The following GMEB2 variants were observed in gnomAD, a reference collection of about 807,000 sequenced individuals.
GMEB2 encodes glucocorticoid modulatory element binding protein 2.
A neutral mutation model predicts 45.7 loss-of-function variants in GMEB2; 7 were observed. The observed-to-expected ratio is 0.15, with a 90% CI of 0.09 to 0.29. GMEB2 has a LOEUF of 0.29. Among genes scored for constraint, GMEB2 ranks in the 10% least tolerant of loss-of-function variants. The pLI, the probability that GMEB2 is intolerant of heterozygous loss-of-function variation, is 1.00. For synonymous variants in GMEB2, 322 were observed against 323.6 expected (o/e 1.00, Z 0.05); for missense variants, 582 against 739.2 (o/e 0.79, Z 2.47).
At chr20:63,623,327 G>A (rs1224392184) in intron 1 of GMEB2, among the ~76,000 whole-genome samples, 2 of 152,152 alleles carry the variant, frequency 1.3e-5, no homozygotes, top group African/African-American at 4.8e-5. Context: ...TCCCATTAGG[G>A]CATCAGGGTC....
rs542842374 is a variant in GMEB2 at position 63,593,765 on chromosome 20, T to C, written c.620-683A>G. ...GGCCGGATGTGGTGGCTCACGCCTG[T>C]AATCCAGGCACTTTGGGAGACTGAG... On this transcript the variant is annotated intron_variant, in intron 6 of 9. Coordinates refer to ENST00000370077, the MANE Select transcript of GMEB2 (RefSeq NM_012384.5). This position sits in a 1 kb window ranked among gnomAD's most constrained non-coding sequence, Gnocchi z 4.7. Among the ~76,000 whole-genome samples the C allele has an allele frequency of 1.1e-4, 16 of 152,332 alleles. No individual in the cohort carries two copies. The highest frequency in any genetic ancestry group is 3.4e-4 in the African/African-American group (14 of 41,578).
At chr20:63,626,524 T>A (rs1601040865) in intron 1 of GMEB2, among the ~76,000 whole-genome samples, 1 of 133,476 alleles carries the variant, frequency 7.5e-6, no homozygotes, top group African/African-American at 2.9e-5. Context: ...GTGGGTCGCG[T>A]CCCTGTGGGG....
intron 2 of GMEB2, among the ~76,000 whole-genome samples, chr20:63,618,927 C>T (rs1223801942): frequency 2.0e-5 from 3 of 152,216 alleles, no homozygotes; most frequent in Non-Finnish European, 2.9e-5. Context: ...TGAAGACTGT[C>T]AAGAAAATCA....
At position 63,590,421 on chromosome 20, in the gene GMEB2, T is replaced by C. The variant is rs1416892016; in HGVS notation, c.1261A>G (p.Ser421Gly). ...GKGSLQAPPA[S>G]SPASPLLGGY... is the part of the protein sequence containing the mutation. ...CCGAGCAGCGGGGAGGCCGGGGAGC[T>C]GGCGGGGGGCGCCTGAAGGGAACCC... The change falls in exon 10 of 10, where the codon AGC becomes GGC. Residue 421 changes from serine (S) to glycine (G), a missense_variant. Ser to Gly is a moderately conservative substitution (Grantham distance 56). Coordinates refer to ENST00000370077, the MANE Select transcript of GMEB2 (RefSeq NM_012384.5). The C allele has an allele frequency of 3.2e-6, 5 of 1,561,420 alleles. No homozygotes were observed. The highest frequency in any genetic ancestry group is 1.7e-4 in the Middle Eastern group (1 of 5,872).
intron 9 of GMEB2, among the ~76,000 whole-genome samples, 194 bp downstream of exon 9, chr20:63,591,828 G>A (rs1488932701): frequency 6.6e-6 from 1 of 152,226 alleles, no homozygotes; most frequent in Non-Finnish European, 1.5e-5. Context: ...TGTAAGCTTA[G>A]TGCAATGGAG....
intron 1 of GMEB2, among the ~76,000 whole-genome samples, chr20:63,626,513 T>C (rs1354279855): frequency 8.8e-5 from 12 of 135,836 alleles, no homozygotes; most frequent in Non-Finnish European, 1.7e-4. Flanking sequence ...GGGTGGTCCC[T>C]GTGGGTCGCG....
chr20:63,603,076 C>G lies in GMEB2; in HGVS notation c.246G>C (p.Glu82Asp), dbSNP rs781561906. Residue 82 changes from glutamate (E) to aspartate (D), a missense_variant, in exon 4 of 10, where the codon GAG becomes GAC. Around this residue, in one of 3 missense-constraint regions of GMEB2, gnomAD observed 114 missense variants for 123.4 expected, o/e 0.92. Transcript: ENST00000370077. ...KEAVLVKMAE[E>D]GENLEAEIVY... ...CAATCTCAGCTTCCAGGTTCTCCCC[C>G]TCTTCAGCCATCTTCACTTCTCACA... is the stretch of plus-strand genomic sequence containing the variant. 14 of 1,614,104 alleles carry G rather than the reference C, an allele frequency of 8.7e-6. No homozygotes were observed. In the South Asian group the frequency reaches 1.2e-4, roughly 14 times the overall value.
intron 2 of GMEB2, among the ~76,000 whole-genome samples, chr20:63,611,123 A>C (rs2089566737): frequency 6.6e-6 from 1 of 152,246 alleles, no homozygotes; most frequent in African/African-American, 2.4e-5. Flanking sequence ...GGCTGCAAGC[A>C]TGGCTAATTC....
intron 1 of GMEB2, among the ~76,000 whole-genome samples, chr20:63,624,235 G>A (rs1483619983): frequency 6.6e-6 from 1 of 151,080 alleles, no homozygotes; most frequent in African/African-American, 2.4e-5. Flanking sequence ...TGGCCACCAT[G>A]ATGAAACCCT....
At chr20:63,604,615 CA>C (rs2089503937) in intron 3 of GMEB2, 127 bp downstream of exon 3, 1 of 673,316 alleles carries the variant, frequency 1.5e-6, no homozygotes, top group Admixed American at 2.1e-5. Flanking sequence ...CTCCTAAGGG[CA>C]CACAGCTTGG....
Position 63,592,962 on chromosome 20 carries a change from C to T in GMEB2, c.691+49G>A, listed in dbSNP as rs1228446303. ...TGTGGCCCGAGGTGGGCAGAGACTC[C>T]ACCACCCCGCCAGGGCTTGTGAGAA... On this transcript the variant is annotated intron_variant, in intron 7 of 9. Coordinates refer to ENST00000370077, the MANE Select transcript of GMEB2 (RefSeq NM_012384.5). This position sits in a 1 kb window ranked among gnomAD's most constrained non-coding sequence, Gnocchi z 8.2. 4.6e-6 allele frequency: 6 copies of T among 1,308,592 alleles called. No individual in the cohort carries two copies. The highest frequency in any genetic ancestry group is 2.0e-4 in the Middle Eastern group (1 of 5,038). 81.1% of individuals were successfully genotyped at this position (1,308,592 alleles called of 1,614,324 possible).
At chr20:63,597,664 AC>A (rs2083210024) in intron 5 of GMEB2, 92 bp downstream of exon 5, 11 of 757,806 alleles carry the variant, frequency 1.5e-5, no homozygotes. Context: ...CATCTAAAAT[AC>A]GCCTCATCTT....
chr20:63,616,188 A>C (rs1012270416), intron 2 of GMEB2, among the ~76,000 whole-genome samples: 2 of 152,210 alleles, frequency 1.3e-5, no homozygotes, highest in Admixed American at 6.5e-5. Flanking sequence ...TCGCGCCTGT[A>C]ATTCCAGCAC....
At chr20:63,601,709 C>T (rs1445140523) in intron 4 of GMEB2, among the ~76,000 whole-genome samples, 4 of 151,950 alleles carry the variant, frequency 2.6e-5, no homozygotes, top group South Asian at 2.1e-4. Flanking sequence ...TTAAATATAA[C>T]GATTTTATCT....
In GMEB2 at chr20:63,590,583, C is replaced by A; in HGVS notation, c.1099G>T (p.Gly367Ter). ...ACCTGCGAGGCCATGGCGGCCGGTCCTGATGTGGCACGTGCAAGCCGGGGC... is the reference window on the plus strand; with the variant it reads ...ACCTGCGAGGCCATGGCGGCCGGTCATGATGTGGCACGTGCAAGCCGGGGC... ...KRPRLARATS[G>*]PAAMASQVLT... The change falls in exon 10 of 10, where the codon GGA becomes TGA. Residue 367 changes from glycine to a stop codon, truncating the protein, a stop_gained. Coordinates refer to ENST00000370077, the MANE Select transcript of GMEB2 (RefSeq NM_012384.5). LOFTEE classifies it high-confidence loss of function. 1 of 1,586,000 alleles carries A rather than the reference C, an allele frequency of 6.3e-7. No homozygotes were observed. Among genetic ancestry groups the A allele is most frequent in the Admixed American group, 1.8e-5 (1 of 56,078 alleles).
intron 2 of GMEB2, among the ~76,000 whole-genome samples, chr20:63,606,409 G>GC (rs2089519640): frequency 6.7e-6 from 1 of 148,718 alleles, no homozygotes; most frequent in African/African-American, 2.5e-5. Flanking sequence ...GTGCAGTGGC[G>GC]CAATCCCCGC....
chr20:63,600,717 C>CAA (rs34633546), intron 4 of GMEB2, among the ~76,000 whole-genome samples: 1,188 of 83,846 alleles, frequency 0.014, 32 homozygotes, highest in African/African-American at 0.015. Flanking sequence ...GACTCCATCT[C>CAA]AAAAAAAAAA....
rs759774385 is a variant in GMEB2 at position 63,608,936 on chromosome 20, C to CA, written c.132-4097_132-4096insT. Among the ~76,000 whole-genome samples the CA allele has an allele frequency of 2.0e-3, 57 of 28,268 alleles. 3 individuals carry two copies. Among genetic ancestry groups the CA allele is most frequent in the South Asian group, 0.011 (11 of 1,030 alleles). 18.5% of individuals were successfully genotyped at this position (28,268 alleles called of 152,430 possible). On this transcript the variant is annotated intron_variant, in intron 2 of 9. Transcript: ENST00000370077. ...TTTCTAGAAACATGCCCCTGTGACC[C>CA]CACCTCCATTTCTAGAAACATGCCC...
chr20:63,589,040 G>A lies in GMEB2; in HGVS notation c.*1049C>T. ...ACAGAGACCACCAAGGGCCAGCCCA[G>A]GGGCTGCATGGGGGCCGGGGGCCAG... On this transcript the variant is annotated 3_prime_UTR_variant, in exon 10 of 10. Coordinates refer to ENST00000370077, the MANE Select transcript of GMEB2 (RefSeq NM_012384.5). 2.5e-6 allele frequency: 1 copy of A among 398,984 alleles called. No homozygotes were observed. Among genetic ancestry groups the A allele is most frequent in the Non-Finnish European group, 4.4e-6 (1 of 226,322 alleles). 24.7% of individuals were successfully genotyped at this position (398,984 alleles called of 1,614,324 possible). A position where few individuals can be genotyped will look rare whatever the true frequency, so the allele number is the denominator to read the frequency against.
Sources: allele counts gnomAD v4.1 joint callset (sites outside exome capture counted in the v4.1 genomes callset), GRCh38; gene constraint gnomAD v4.1.1; regional missense constraint gnomAD v4.1.1; non-coding constraint Gnocchi (gnomAD v3.1); transcripts MANE v1.5; gene names NCBI Gene and HGNC (gene_info 2026-07-23, HGNC 2026-07-21).